SNX16: variants seen among roughly 807,000 people sequenced by gnomAD.
SNX16 encodes sorting nexin-16.
Under a neutral mutation model 36.7 loss-of-function variants are expected in SNX16, and 35 were observed. That is an observed-to-expected ratio of 0.95 (90% CI 0.73 to 1.27). SNX16 has a LOEUF of 1.27. SNX16 is among the 50% of genes most tolerant of loss of function. The pLI is 0.00. For synonymous variants in SNX16, 134 were observed against 132.0 expected, an observed-to-expected ratio of 1.02 and a Z score of -0.10; for missense variants, 367 against 393.6, an observed-to-expected ratio of 0.93 and a Z score of 0.57.
intron 3 of SNX16, among the ~76,000 whole-genome samples, chr8:81,828,512 C>T (rs1811108471): frequency 6.6e-6 from 1 of 152,136 alleles, no homozygotes; most frequent in Non-Finnish European, 1.5e-5. Flanking sequence ...GTTCTTAATA[C>T]ACTGAGGTTT....
chr8:81,832,350 G>A (rs1489983757), intron 2 of SNX16, among the ~76,000 whole-genome samples: 1 of 152,122 alleles, frequency 6.6e-6, no homozygotes, highest in African/African-American at 2.4e-5. Context: ...ACTTATAAGT[G>A]GGAGGTAAAC....
At chr8:81,831,437 T>C (rs561311494) in intron 2 of SNX16, among the ~76,000 whole-genome samples, 135 of 152,218 alleles carry the variant, frequency 8.9e-4, no homozygotes, top group Non-Finnish European at 1.5e-3. Flanking sequence ...CTCATGCCTG[T>C]ATCTCAGCTC....
chr8:81,807,239 C>A (rs1809994405), intron 5 of SNX16, among the ~76,000 whole-genome samples: 1 of 151,922 alleles, frequency 6.6e-6, no homozygotes, highest in Non-Finnish European at 1.5e-5. Flanking sequence ...AACTGAGTGG[C>A]CAGGCATGGT....
At position 81,839,664 on chromosome 8, in the gene SNX16, G is replaced by A; in HGVS notation, c.323C>T (p.Ser108Phe). 1 of 1,613,784 alleles carries A rather than the reference G, an allele frequency of 6.2e-7. No individual in the cohort carries two copies. The highest frequency in any genetic ancestry group is 1.7e-5 in the Admixed American group (1 of 60,026). The change falls in exon 2 of 8, where the codon TCT becomes TTT. Residue 108 changes from serine to phenylalanine, a missense_variant. Coordinates refer to ENST00000345957, the MANE Select transcript of SNX16 (RefSeq NM_152836.3). ...PETVNWEDRP[S>F]TPTILGYEVM... is the part of the protein sequence containing the mutation. ...TTCATAACCCAGTATAGTAGGTGTAGATGGTCTATCTTCCCAATTCACTGT... is the reference window on the plus strand; with the variant it reads ...TTCATAACCCAGTATAGTAGGTGTAAATGGTCTATCTTCCCAATTCACTGT...
At chr8:81,812,937 T>G (rs550768193) in intron 5 of SNX16, among the ~76,000 whole-genome samples, 1 of 152,110 alleles carries the variant, frequency 6.6e-6, no homozygotes, top group African/African-American at 2.4e-5. Flanking sequence ...TATAATACCT[T>G]TAGCAGTCAC....
Position 81,801,600 on chromosome 8 carries a change from A to G in SNX16, c.939-7T>C, listed in dbSNP as rs1406474088. 8.5e-7 allele frequency: 1 copy of G among 1,183,274 alleles called. No homozygotes were observed. Among genetic ancestry groups the G allele is most frequent in the African/African-American group, 1.6e-5 (1 of 62,664 alleles). The allele number at this position is 1,183,274 out of a possible 1,614,324, so 73.3% of individuals were successfully genotyped here. On this transcript the variant is annotated splice_region_variant and splice_polypyrimidine_tract_variant and intron_variant, in intron 7 of 7. Transcript: ENST00000345957. ...GCATGGTTTATTATCAGCTCTGCAAAAAAAAAAAAAAAAGGAACATATCAA... is the reference window on the plus strand; with the variant it reads ...GCATGGTTTATTATCAGCTCTGCAAGAAAAAAAAAAAAAGGAACATATCAA...
At position 81,839,845 on chromosome 8, in the gene SNX16, T is replaced by C. The variant is rs1261319066; in HGVS notation, c.142A>G (p.Asn48Asp). ...CTTGTCTGTTTAAAATTACCCATAT[T>C]TGAGTCTTCTAACTGGCCCTTAGAA... ...NSSKGQLEDS[N>D]MGNFKQTSVP... The change falls in exon 2 of 8, where the codon AAT becomes GAT. Residue 48 changes from asparagine to aspartate, a missense_variant. Physicochemically the swap from Asn to Asp is conservative, Grantham distance 23. Transcript: ENST00000345957. The C allele has an allele frequency of 1.2e-6, 2 of 1,614,012 alleles. No individual in the cohort carries two copies. The highest frequency in any genetic ancestry group is 3.3e-5 in the Admixed American group (2 of 60,030).
intron 3 of SNX16, among the ~76,000 whole-genome samples, chr8:81,828,811 G>A (rs61233773): frequency 0.01 from 1,590 of 152,274 alleles, 28 homozygotes; most frequent in African/African-American, 0.036. Flanking sequence ...AGATGGAGGG[G>A]CTATGTACAA....
Position 81,839,918 on chromosome 8 carries a change from T to A in SNX16, c.69A>T (p.Arg23Ser). 2 of 1,613,980 alleles carry A rather than the reference T, an allele frequency of 1.2e-6. No homozygotes were observed. The highest frequency in any genetic ancestry group is 8.5e-7 in the Non-Finnish European group (1 of 1,179,892). Residue 23 changes from arginine to serine, a missense_variant, in exon 2 of 8, where the codon AGA (arginine) becomes AGT (serine). Physicochemically the swap from Arg to Ser is moderately radical, Grantham distance 110 (BLOSUM62 -1). Coordinates refer to ENST00000345957, the MANE Select transcript of SNX16 (RefSeq NM_152836.3). ...GNSASSFTTNRNQRSSSFGSV... is the reference protein window; with the variant it reads ...GNSASSFTTNSNQRSSSFGSV... The stretch of plus-strand genomic sequence containing the variant: ...TGCCAAAAGAAGAACTTCTTTGATT[T>A]CTGTTTGTTGTAAAACTGGAAGCAG...
chr8:81,811,997 T>C (rs1190131709), intron 5 of SNX16, among the ~76,000 whole-genome samples: 3 of 151,958 alleles, frequency 2.0e-5, no homozygotes, highest in Non-Finnish European at 4.4e-5. Context: ...AAATAAGCAA[T>C]TGAGAATTTT....
intron 2 of SNX16, among the ~76,000 whole-genome samples, chr8:81,835,676 A>G (rs1184317298): frequency 1.3e-5 from 2 of 152,196 alleles, no homozygotes; most frequent in Non-Finnish European, 2.9e-5. Context: ...AACAAGAATT[A>G]CCTTTTCTCC....
chr8:81,807,773 T>G (rs1187685218), intron 5 of SNX16: 2 of 700,664 alleles, frequency 2.9e-6, no homozygotes, highest in Non-Finnish European at 5.2e-6. Context: ...CCTGCTGTCA[T>G]GTCTAAGTCA....
chr8:81,822,992 A>T (rs1403178469), intron 4 of SNX16, among the ~76,000 whole-genome samples: 1 of 147,060 alleles, frequency 6.8e-6, no homozygotes, highest in East Asian at 2.0e-4. Context: ...ATGTGTGTGT[A>T]TATCTATATA....
At position 81,801,445 on chromosome 8, in the gene SNX16, C is replaced by T; in HGVS notation, c.*52G>A. 2.0e-6 allele frequency: 2 copies of T among 1,020,952 alleles called. No homozygotes were observed. Among genetic ancestry groups the T allele is most frequent in the Admixed American group, 2.3e-5 (1 of 43,428 alleles). The allele number at this position is 1,020,952 out of a possible 1,614,324, so 63.2% of individuals were successfully genotyped here. ...GTTCTTCTTTTAAAATAGTATTTGCCACTCTTCTAAATTTTTGAATAGTCT... is the reference window on the plus strand; with the variant it reads ...GTTCTTCTTTTAAAATAGTATTTGCTACTCTTCTAAATTTTTGAATAGTCT... On this transcript the variant is annotated 3_prime_UTR_variant, in exon 8 of 8. Coordinates refer to ENST00000345957, the MANE Select transcript of SNX16 (RefSeq NM_152836.3).
intron 1 of SNX16, among the ~76,000 whole-genome samples, chr8:81,840,799 C>G (rs1252268549): frequency 6.6e-6 from 1 of 152,202 alleles, no homozygotes; most frequent in Non-Finnish European, 1.5e-5. Context: ...ATCTTTATAA[C>G]TTACACTCAA....
chr8:81,826,221 GGA>G (rs950343045), intron 3 of SNX16, among the ~76,000 whole-genome samples: 12 of 152,226 alleles, frequency 7.9e-5, no homozygotes, highest in Admixed American at 7.9e-4. Context: ...GATCAGTTTA[GGA>G]GAGAGCAGCG....
chr8:81,806,508 AAAC>A (rs1038282491), intron 5 of SNX16, among the ~76,000 whole-genome samples: 14 of 152,274 alleles, frequency 9.2e-5, no homozygotes, highest in Middle Eastern at 6.8e-3. Context: ...TTTAATCTAA[AAAC>A]AACAACGAAA....
In SNX16 at chr8:81,807,862, A is replaced by G. The variant is rs1196224670; in HGVS notation, c.682-4634T>C. Reference sequence around the variant, plus strand: ...TTTTGAAACAATTGATGAGAGCCTGAGGAGCCATTTTGAGCAATGGGGAAC... The same window carrying G: ...TTTTGAAACAATTGATGAGAGCCTGGGGAGCCATTTTGAGCAATGGGGAAC... On this transcript the variant is annotated intron_variant, in intron 5 of 7. Coordinates refer to ENST00000345957, the MANE Select transcript of SNX16 (RefSeq NM_152836.3). 6 of 764,524 alleles carry G rather than the reference A, an allele frequency of 7.8e-6. No homozygotes were observed. In the African/African-American group the frequency reaches 8.5e-5, roughly 11 times the overall value. 47.4% of individuals were successfully genotyped at this position (764,524 alleles called of 1,614,324 possible).
chr8:81,801,640 G>A (rs946519804), intron 7 of SNX16, 47 bp from the exon 8 acceptor site: 2 of 1,129,616 alleles, frequency 1.8e-6, no homozygotes, highest in Admixed American at 4.4e-5. Flanking sequence ...GGGACTGGAT[G>A]CATGCTATTA....
Sources: allele counts gnomAD v4.1 joint callset (sites outside exome capture counted in the v4.1 genomes callset), GRCh38; gene constraint gnomAD v4.1.1; transcripts MANE v1.5; gene names NCBI Gene and HGNC (gene_info 2026-07-23, HGNC 2026-07-21).